KPNA6: variants seen among roughly 807,000 people sequenced by gnomAD.
KPNA6 encodes the protein karyopherin subunit alpha 6, also known as importin subunit alpha-7.
In KPNA6, 9 loss-of-function variants were observed where a neutral mutation model predicts 72.0. That is an observed-to-expected ratio of 0.13 (90% CI 0.08 to 0.22). The LOEUF (loss-of-function observed/expected upper bound fraction) is 0.22, where lower values mean the gene tolerates loss of function less well. Among genes scored for constraint, KPNA6 ranks in the 10% least tolerant of loss-of-function variants. The pLI is 1.00. For synonymous variants in KPNA6, 219 were observed against 242.1 expected (o/e 0.90, Z 0.89); for missense variants, 374 against 655.7 (o/e 0.57, Z 4.69).
intron 1 of KPNA6, among the ~76,000 whole-genome samples, chr1:32,147,623 T>C (rs554620873): frequency 1.3e-5 from 2 of 150,552 alleles, no homozygotes; most frequent in South Asian, 2.1e-4. Context: ...CTTATTCTAC[T>C]GCCTTCTGAC....
chr1:32,164,239 T>C lies in KPNA6; in HGVS notation c.990+926T>C, dbSNP rs142038536. 2.0e-5 allele frequency among the ~76,000 whole-genome samples: 3 copies of C among 152,362 alleles called. No individual in the cohort carries two copies. The East Asian group carries it at 5.8e-4, about 29-fold the overall frequency. The stretch of plus-strand genomic sequence containing the variant: ...ATGTTGTAGCATGCATCAGAACTCC[T>C]TTGAAAGGCTGAATGATATTCCACT... On this transcript the variant is annotated intron_variant, in intron 10 of 13. Transcript: ENST00000373625.
At chr1:32,128,420 T>TATATATAC (rs1345152487) in intron 1 of KPNA6, among the ~76,000 whole-genome samples, 1 of 120,726 alleles carries the variant, frequency 8.3e-6, no homozygotes, top group Non-Finnish European at 1.7e-5. Flanking sequence ...TATATATATA[T>TATATATAC]ATATATACAC....
intron 12 of KPNA6, among the ~76,000 whole-genome samples, chr1:32,167,915 C>T (rs1347410316): frequency 2.0e-5 from 3 of 151,818 alleles, no homozygotes; most frequent in Admixed American, 6.6e-5. Flanking sequence ...TCTGTTATCC[C>T]AGCACCTTGG....
chr1:32,126,965 TTA>T (rs1443430838), intron 1 of KPNA6, among the ~76,000 whole-genome samples: 2 of 152,104 alleles, frequency 1.3e-5, no homozygotes, highest in Non-Finnish European at 2.9e-5. Context: ...AAAATTTCCC[TTA>T]TAAGGAATTT....
intron 1 of KPNA6, among the ~76,000 whole-genome samples, chr1:32,144,360 G>T (rs1012856695): frequency 3.3e-5 from 5 of 152,236 alleles, no homozygotes; most frequent in Admixed American, 1.3e-4. Context: ...CTTATGAATT[G>T]TTTTTATCTG....
At chr1:32,154,747 C>A in intron 2 of KPNA6, 26 bp downstream of exon 2, 1 of 1,612,330 alleles carries the variant, frequency 6.2e-7, no homozygotes, top group East Asian at 2.2e-5. Context: ...TATTCTCAAA[C>A]ATACTATTCT....
intron 1 of KPNA6, among the ~76,000 whole-genome samples, chr1:32,139,402 A>G (rs887412994): frequency 6.6e-6 from 1 of 152,230 alleles, no homozygotes; most frequent in Non-Finnish European, 1.5e-5. Flanking sequence ...AGTAGGAAAC[A>G]GTATGAAGCA....
At chr1:32,166,550 G>A (rs1483110134) in intron 11 of KPNA6, among the ~76,000 whole-genome samples, 3 of 150,376 alleles carry the variant, frequency 2.0e-5, no homozygotes, top group Admixed American at 6.7e-5. Context: ...GCTTGAACCC[G>A]AGAGGCAAAG....
intron 5 of KPNA6, 152 bp downstream of exon 5, chr1:32,158,513 A>G: frequency 1.8e-6 from 1 of 561,044 alleles, no homozygotes. Flanking sequence ...CATTTCCTCA[A>G]GCATTTATCC....
chr1:32,134,858 A>G lies in KPNA6; in HGVS notation c.5-19730A>G, dbSNP rs944376982. On this transcript the variant is annotated intron_variant, in intron 1 of 13. Coordinates refer to ENST00000373625, the MANE Select transcript of KPNA6 (RefSeq NM_012316.5). ...TGGGTGAGCATTGGGGGTGACAGCT[A>G]AAGAGTAATAGGGTTTCTTTTTTTT... is the stretch of plus-strand genomic sequence containing the variant. Among the ~76,000 whole-genome samples the G allele has an allele frequency of 3.3e-5, 5 of 151,846 alleles. No individual in the cohort carries two copies. In the South Asian group the frequency reaches 1.0e-3, roughly 32 times the overall value.
chr1:32,165,670 C>G (rs534654681), intron 10 of KPNA6, among the ~76,000 whole-genome samples: 1 of 152,170 alleles, frequency 6.6e-6, no homozygotes, highest in Non-Finnish European at 1.5e-5. Flanking sequence ...CCACTGCACT[C>G]CAGCCTAGGC....
At chr1:32,108,763 C>T (rs1051700204) in intron 1 of KPNA6, among the ~76,000 whole-genome samples, 2 of 152,206 alleles carry the variant, frequency 1.3e-5, no homozygotes, top group Non-Finnish European at 2.9e-5. Context: ...ACACCAAAGG[C>T]CAAGTCCTCT....
intron 1 of KPNA6, among the ~76,000 whole-genome samples, chr1:32,130,250 A>G (rs1641614049): frequency 9.4e-6 from 1 of 106,096 alleles, no homozygotes; most frequent in Non-Finnish European, 1.8e-5. Flanking sequence ...TTTTTTTACC[A>G]TGGCCAGTGA....
At position 32,169,963 on chromosome 1, in the gene KPNA6, C is replaced by T; in HGVS notation, c.1326C>T (p.Leu442=). The T allele has an allele frequency of 3.1e-6, 5 of 1,614,042 alleles. No individual in the cohort carries two copies. Among genetic ancestry groups the T allele is most frequent in the Non-Finnish European group, 4.2e-6 (5 of 1,180,006 alleles). The part of the protein sequence containing the change: ...VMDSKIVQVA[L]NGLENILRLG... ...ATTCGAAGATTGTGCAAGTGGCCCT[C>T]AATGGACTGGAGAACATCCTGCGGC... The change falls in exon 13 of 14, where the codon CTC becomes CTT. Residue 442 remains leucine, a synonymous_variant. Coordinates refer to ENST00000373625, the MANE Select transcript of KPNA6 (RefSeq NM_012316.5).
chr1:32,141,405 T>C (rs1231250344), intron 1 of KPNA6, among the ~76,000 whole-genome samples: 21 of 84,804 alleles, frequency 2.5e-4, no homozygotes, highest in Non-Finnish European at 3.4e-4. Flanking sequence ...TTTTTTTTTT[T>C]TTTTTTTTTT....
chr1:32,130,931 A>G (rs1163394359), intron 1 of KPNA6, among the ~76,000 whole-genome samples: 1 of 152,204 alleles, frequency 6.6e-6, no homozygotes, highest in African/African-American at 2.4e-5. Flanking sequence ...GCCTCACATC[A>G]TACACAAAAA....
chr1:32,160,511 A>G (rs1488138074), intron 6 of KPNA6, 104 bp from the exon 7 acceptor site: 1 of 828,816 alleles, frequency 1.2e-6, no homozygotes, highest in Admixed American at 1.9e-5. Flanking sequence ...TGGGGCCTTG[A>G]CATCATTCTC....
chr1:32,109,445 T>C (rs561309941), intron 1 of KPNA6, among the ~76,000 whole-genome samples: 12 of 152,154 alleles, frequency 7.9e-5, no homozygotes, highest in Non-Finnish European at 1.2e-4. Context: ...GTGCTGGGAT[T>C]ACAGGTGTGA....
chr1:32,116,860 G>A (rs1318913765), intron 1 of KPNA6, among the ~76,000 whole-genome samples: 4 of 152,000 alleles, frequency 2.6e-5, no homozygotes, highest in Non-Finnish European at 1.5e-5. Flanking sequence ...TTTCAATATT[G>A]TTGTATCTCA....
Sources: allele counts gnomAD v4.1 joint callset (sites outside exome capture counted in the v4.1 genomes callset), GRCh38; gene constraint gnomAD v4.1.1; transcripts MANE v1.5; gene names NCBI Gene and HGNC (gene_info 2026-07-23, HGNC 2026-07-21).